Variants in ILRUN observed in about 807,000 individuals in gnomAD.
The protein encoded by ILRUN is inflammation and lipid regulator with UBA-like and NBR1-like domains.
ILRUN carries 3 observed loss-of-function variants against 33.8 expected under a neutral mutation model. The observed-to-expected ratio is 0.09, with a 90% CI of 0.04 to 0.23. The LOEUF is 0.23. Among genes scored for constraint, ILRUN ranks in the 10% least tolerant of loss-of-function variants. ILRUN has a pLI of 1.00. For synonymous variants in ILRUN, 124 were observed against 138.9 expected (o/e 0.89, Z 0.75); for missense variants, 210 against 375.1 (o/e 0.56, Z 3.64).
At chr6:34,647,773 C>T (rs556424592) in intron 2 of ILRUN, among the ~76,000 whole-genome samples, 153 of 152,300 alleles carry the variant, frequency 1.0e-3, no homozygotes, top group African/African-American at 3.6e-3. Flanking sequence ...CTATGTTGGC[C>T]AGGCTGGTCT....
intron 1 of ILRUN, among the ~76,000 whole-genome samples, 192 bp from the exon 2 acceptor site, chr6:34,654,971 C>T (rs1482759758): frequency 6.6e-6 from 1 of 152,124 alleles, no homozygotes; most frequent in Non-Finnish European, 1.5e-5. Context: ...ATTTGTGTAT[C>T]ACTTTCTTCC....
chr6:34,669,741 A>T (rs2127376767), intron 1 of ILRUN, among the ~76,000 whole-genome samples: 1 of 152,302 alleles, frequency 6.6e-6, no homozygotes, highest in Middle Eastern at 3.4e-3. Context: ...TAACATAAAT[A>T]AGTAAACAAA....
intron 3 of ILRUN, among the ~76,000 whole-genome samples, chr6:34,618,749 T>C (rs1442585943): frequency 6.6e-6 from 1 of 152,194 alleles, no homozygotes; most frequent in Non-Finnish European, 1.5e-5. Context: ...CCCTTTTCCT[T>C]ACAGTCTTCC....
At chr6:34,632,166 C>T (rs746789283) in intron 3 of ILRUN, among the ~76,000 whole-genome samples, 2 of 152,098 alleles carry the variant, frequency 1.3e-5, no homozygotes, top group African/African-American at 4.8e-5. Context: ...TTAGGCTGGG[C>T]GTGGTGGCTC....
chr6:34,625,647 G>C (rs1198570944), intron 3 of ILRUN, among the ~76,000 whole-genome samples: 1 of 152,126 alleles, frequency 6.6e-6, no homozygotes, highest in African/African-American at 2.4e-5. Context: ...TACTAGTCAT[G>C]CTTAACCAGA....
intron 1 of ILRUN, among the ~76,000 whole-genome samples, chr6:34,683,399 C>CATACATACAT (rs1554189798): frequency 9.0e-6 from 1 of 111,154 alleles, no homozygotes; most frequent in African/African-American, 4.3e-5. Context: ...TATATATGCA[C>CATACATACAT]ATATATACAT....
rs1762566246 is a variant in ILRUN at position 34,646,484 on chromosome 6, T to A, written c.511+117A>T. 3 of 853,166 alleles carry A rather than the reference T, an allele frequency of 3.5e-6. No homozygotes were observed. The highest frequency in any genetic ancestry group is 5.5e-6 in the Non-Finnish European group (3 of 547,522). The allele number at this position is 853,166 out of a possible 1,614,324, so 52.8% of individuals were successfully genotyped here. A position where few individuals can be genotyped will look rare whatever the true frequency, so the allele number is the denominator to read the frequency against. On this transcript the variant is annotated intron_variant, in intron 3 of 4. Transcript: ENST00000374023. This position sits in a 1 kb window ranked among gnomAD's most constrained non-coding sequence, Gnocchi z 4.9. ...AAATCATTTACCTGCATGAGGTGAC[T>A]GTTAAAAAGAGGCCATGCCCTGTTA...
At chr6:34,660,677 G>A (rs146836846) in intron 1 of ILRUN, among the ~76,000 whole-genome samples, 51 of 151,680 alleles carry the variant, frequency 3.4e-4, no homozygotes, top group South Asian at 2.5e-3. Flanking sequence ...TAATTTGGCC[G>A]GAAAAAGGCT....
chr6:34,683,434 A>G, intron 1 of ILRUN, among the ~76,000 whole-genome samples: 1 of 105,298 alleles, frequency 9.5e-6, no homozygotes, highest in Admixed American at 1.1e-4. Context: ...ATATACATAT[A>G]TATATACATA....
In ILRUN at chr6:34,588,337, A is replaced by T; in HGVS notation, c.*2228T>A. Reference sequence around the variant, plus strand: ...GGCCCAGACCCACTGACGGTGGCCCATGAAGCCCCTGCTGGGAAACTGGGA... The same window carrying T: ...GGCCCAGACCCACTGACGGTGGCCCTTGAAGCCCCTGCTGGGAAACTGGGA... On this transcript the variant is annotated 3_prime_UTR_variant, in exon 5 of 5. Transcript: ENST00000374023. 2.5e-6 allele frequency: 1 copy of T among 397,906 alleles called. No individual in the cohort carries two copies. Among genetic ancestry groups the T allele is most frequent in the Non-Finnish European group, 4.4e-6 (1 of 225,990 alleles). The allele number at this position is 397,906 out of a possible 1,614,324, so 24.6% of individuals were successfully genotyped here. A position where few individuals can be genotyped will look rare whatever the true frequency, so the allele number is the denominator to read the frequency against.
At chr6:34,593,916 A>AT (rs747190716) in intron 4 of ILRUN, among the ~76,000 whole-genome samples, 4 of 152,124 alleles carry the variant, frequency 2.6e-5, no homozygotes, top group Non-Finnish European at 4.4e-5. Context: ...GGGGAGTCCT[A>AT]TGGCAGTAGG....
chr6:34,683,476 A>ATATG (rs1693038775), intron 1 of ILRUN, among the ~76,000 whole-genome samples: 1 of 113,364 alleles, frequency 8.8e-6, no homozygotes, highest in Non-Finnish European at 1.8e-5. Context: ...ATATATACAC[A>ATATG]TATATATATA....
chr6:34,662,124 C>CA (rs57423564), intron 1 of ILRUN, among the ~76,000 whole-genome samples: 986 of 39,932 alleles, frequency 0.025, 85 homozygotes, highest in Non-Finnish European at 0.039. Flanking sequence ...GACTCCGTCT[C>CA]AAAAAAAAAA....
chr6:34,615,466 C>T (rs1170183856), intron 3 of ILRUN, among the ~76,000 whole-genome samples: 2 of 152,070 alleles, frequency 1.3e-5, no homozygotes, highest in African/African-American at 4.8e-5. Context: ...CATGGTGGCA[C>T]ACACCTGTAA....
intron 3 of ILRUN, chr6:34,616,447 C>G: frequency 1.6e-6 from 1 of 616,024 alleles, no homozygotes; most frequent in Admixed American, 2.9e-5. Context: ...TACTGTCTAG[C>G]TTCAGTGAGA....
chr6:34,593,167 A>T (rs1330402195), intron 4 of ILRUN, among the ~76,000 whole-genome samples: 1 of 152,190 alleles, frequency 6.6e-6, no homozygotes, highest in Non-Finnish European at 1.5e-5. Flanking sequence ...AGACAGAGTA[A>T]GACCTTCTCT....
intron 1 of ILRUN, among the ~76,000 whole-genome samples, chr6:34,661,223 G>A (rs560951404): frequency 2.0e-5 from 3 of 152,292 alleles, no homozygotes; most frequent in East Asian, 3.9e-4. Context: ...ATAGTACATA[G>A]TTATGTATGA....
At chr6:34,614,931 T>A (rs1761850413) in intron 3 of ILRUN, among the ~76,000 whole-genome samples, 1 of 152,148 alleles carries the variant, frequency 6.6e-6, no homozygotes, top group Non-Finnish European at 1.5e-5. Context: ...CTTGCCAGTA[T>A]TCCTTAAGAC....
chr6:34,633,913 G>A (rs1176432138), intron 3 of ILRUN, among the ~76,000 whole-genome samples: 42 of 105,492 alleles, frequency 4.0e-4, no homozygotes, highest in East Asian at 1.1e-3. Flanking sequence ...GGGAGGGAGG[G>A]AGGGAGGGAA....
Sources: allele counts gnomAD v4.1 joint callset (sites outside exome capture counted in the v4.1 genomes callset), GRCh38; gene constraint gnomAD v4.1.1; non-coding constraint Gnocchi (gnomAD v3.1); transcripts MANE v1.5; gene names NCBI Gene and HGNC (gene_info 2026-07-23, HGNC 2026-07-21).